Variants in HOXB7 observed in about 807,000 individuals in gnomAD.
The protein encoded by HOXB7 is homeobox protein Hox-B7.
Under a neutral mutation model 19.2 loss-of-function variants are expected in HOXB7, and 11 were observed. The ratio of observed to expected loss-of-function variants is 0.57; its 90% CI spans 0.36 to 0.95. HOXB7 has a LOEUF of 0.95. HOXB7 is among the 40% of genes least tolerant of loss of function. The pLI, the probability that HOXB7 is intolerant of heterozygous loss-of-function variation, is 0.01. For synonymous variants in HOXB7, 141 were observed against 130.2 expected (o/e 1.08, Z -0.56); for missense variants, 318 against 301.1 (o/e 1.06, Z -0.42).
In HOXB7 at chr17:48,608,054, G is replaced by C. The variant is rs1470435140; in HGVS notation, c.442C>G (p.Gln148Glu). 6.2e-7 allele frequency: 1 copy of C among 1,614,220 alleles called. No individual in the cohort carries two copies. Among genetic ancestry groups the C allele is most frequent in the African/African-American group, 1.3e-5 (1 of 75,050 alleles). ...KRGRQTYTRY[Q>E]TLELEKEFHY... is the part of the protein sequence containing the mutation. ...AATTCTTTCTCCAGCTCCAGGGTCT[G>C]GTAGCGGGTGTAGGTCTGGCGGCCT... The change falls in exon 2 of 2, where the codon CAG becomes GAG. Residue 148 changes from glutamine (Q) to glutamate (E), a missense_variant. By Grantham distance (29) the Gln-to-Glu change is conservative. Coordinates refer to ENST00000239165, the MANE Select transcript of HOXB7 (RefSeq NM_004502.4).
rs2070605724 is a variant in HOXB7, at chr17:48,608,098, G to A, written c.401-3C>T. 3.1e-6 allele frequency: 5 copies of A among 1,611,910 alleles called. No individual in the cohort carries two copies. In the Admixed American group the frequency reaches 6.7e-5, roughly 22 times the overall value. On this transcript the variant is annotated splice_polypyrimidine_tract_variant and splice_region_variant and intron_variant, in intron 1 of 1. Transcript: ENST00000239165. ...GCGGCCTCGTTTGCGGTCAGTTCCT[G>A]CACACAGTATTCAGAGGAAAATCAG...
At position 48,608,139 on chromosome 17, in the gene HOXB7, C is replaced by A. The variant is rs772745522; in HGVS notation, c.401-44G>T. 8 of 1,588,392 alleles carry A rather than the reference C, an allele frequency of 5.0e-6. No individual in the cohort carries two copies. The South Asian group carries it at 9.0e-5, about 18-fold the overall frequency. On this transcript the variant is annotated intron_variant, in intron 1 of 1. Transcript: ENST00000239165. Reference sequence around the variant, plus strand: ...GGAAAATCAGTGAGTAAAGAAAACGCCGGCCGGGCGCGGTGGGCTCAAACC... The same window carrying A: ...GGAAAATCAGTGAGTAAAGAAAACGACGGCCGGGCGCGGTGGGCTCAAACC...
At chr17:48,608,789 C>T (rs1390305296) in intron 1 of HOXB7, among the ~76,000 whole-genome samples, 5 of 152,202 alleles carry the variant, frequency 3.3e-5, no homozygotes, top group African/African-American at 1.2e-4. Flanking sequence ...CCTAAACCCC[C>T]TTTTCTGAAT....
In HOXB7 at chr17:48,607,787, G is replaced by A. The variant is rs1488782068; in HGVS notation, c.*55C>T. 4 of 1,376,482 alleles carry A rather than the reference G, an allele frequency of 2.9e-6. No homozygotes were observed. The highest frequency in any genetic ancestry group is 4.1e-6 in the Non-Finnish European group (4 of 985,228). The allele number at this position is 1,376,482 out of a possible 1,614,324, so 85.3% of individuals were successfully genotyped here. A position where few individuals can be genotyped will look rare whatever the true frequency, so the allele number is the denominator to read the frequency against. ...GTTTCCTGATTCAGTTCCCAGAGCT[G>A]GGCTTCTCTTCCTCTCCCTTTCTCA... On this transcript the variant is annotated 3_prime_UTR_variant, in exon 2 of 2. Transcript: ENST00000239165.
At position 48,610,973 on chromosome 17, in the gene HOXB7, T is replaced by C; in HGVS notation, c.-55A>G. 7.2e-7 allele frequency: 1 copy of C among 1,397,162 alleles called. No homozygotes were observed. The highest frequency in any genetic ancestry group is 9.5e-7 in the Non-Finnish European group (1 of 1,048,380). 86.5% of individuals were successfully genotyped at this position (1,397,162 alleles called of 1,614,324 possible). A position where few individuals can be genotyped will look rare whatever the true frequency, so the allele number is the denominator to read the frequency against. The stretch of plus-strand genomic sequence containing the variant: ...CGTTTTAGTGTCGGTTTTACGAGAT[T>C]CCTTGATATATTACAGAATTAGAGT... On this transcript the variant is annotated 5_prime_UTR_variant, in exon 1 of 2. Coordinates refer to ENST00000239165, the MANE Select transcript of HOXB7 (RefSeq NM_004502.4).
In HOXB7 at chr17:48,608,009, T is replaced by G. The variant is rs2070603692; in HGVS notation, c.487A>C (p.Thr163Pro). Residue 163 changes from threonine (T) to proline (P), a missense_variant, in exon 2 of 2, where the codon ACG becomes CCG. Coordinates refer to ENST00000239165, the MANE Select transcript of HOXB7 (RefSeq NM_004502.4). ...GCGATCTCGATGCGCCGCCGCCGCG[T>G]CAGGTAGCGATTGTAGTGAAATTCT... is the stretch of plus-strand genomic sequence containing the variant. ...EKEFHYNRYL[T>P]RRRRIEIAHT... is the part of the protein sequence containing the mutation. The G allele has an allele frequency of 6.2e-7, 1 of 1,614,178 alleles. No individual in the cohort carries two copies. Among genetic ancestry groups the G allele is most frequent in the African/African-American group, 1.3e-5 (1 of 75,044 alleles).
At chr17:48,608,258 C>G (rs2070608788) in intron 1 of HOXB7, 163 bp from the exon 2 acceptor site, 2 of 872,686 alleles carry the variant, frequency 2.3e-6, no homozygotes, top group Non-Finnish European at 3.3e-6. Flanking sequence ...CCCGTCTCTA[C>G]TAAAAATACA....
In HOXB7 at chr17:48,607,822, C is replaced by T. The variant is rs746338067; in HGVS notation, c.*20G>A. On this transcript the variant is annotated 3_prime_UTR_variant, in exon 2 of 2. Transcript: ENST00000239165. ...TCCTCTCCCTTTCTCATGTCTCTTC[C>T]TCTGCCCTTTCTCCATCCCTCACTC... 1.9e-6 allele frequency: 3 copies of T among 1,595,106 alleles called. No homozygotes were observed. Among genetic ancestry groups the T allele is most frequent in the Non-Finnish European group, 2.6e-6 (3 of 1,163,816 alleles).
rs770306120 is a variant in HOXB7 at position 48,607,830 on chromosome 17, T to C, written c.*12A>G. On this transcript the variant is annotated 3_prime_UTR_variant, in exon 2 of 2. Coordinates refer to ENST00000239165, the MANE Select transcript of HOXB7 (RefSeq NM_004502.4). The stretch of plus-strand genomic sequence containing the variant: ...CTTTCTCATGTCTCTTCCTCTGCCC[T>C]TTCTCCATCCCTCACTCTTCCTCTT... The C allele has an allele frequency of 6.2e-7, 1 of 1,604,726 alleles. No homozygotes were observed. The highest frequency in any genetic ancestry group is 8.5e-7 in the Non-Finnish European group (1 of 1,171,860).
At chr17:48,608,212 A>G in intron 1 of HOXB7, 117 bp from the exon 2 acceptor site, 2 of 1,326,166 alleles carry the variant, frequency 1.5e-6, no homozygotes, top group Non-Finnish European at 2.0e-6. Flanking sequence ...TCACGAGGTC[A>G]GGAGATCGAG....
At position 48,610,508 on chromosome 17, in the gene HOXB7, CG is replaced by C. The variant is rs1401376750; in HGVS notation, c.400+10del. 2 of 1,471,640 alleles carry C rather than the reference CG, an allele frequency of 1.4e-6. No individual in the cohort carries two copies. The highest frequency in any genetic ancestry group is 1.8e-6 in the Non-Finnish European group (2 of 1,105,050). The allele number at this position is 1,471,640 out of a possible 1,614,324, so 91.2% of individuals were successfully genotyped here. On this transcript the variant is annotated intron_variant, in intron 1 of 1. Coordinates refer to ENST00000239165, the MANE Select transcript of HOXB7 (RefSeq NM_004502.4). ...CCCTGGGGCTCAGGACAGCTCGGTG[CG>C]CGGCGTTACCTGAGCTTCGCATCCA...
In HOXB7 at chr17:48,610,521, G is replaced by C. The variant is rs756086451; in HGVS notation, c.398C>G (p.Ser133Ter). 1.1e-5 allele frequency: 16 copies of C among 1,491,102 alleles called. 2 individuals are homozygous for C. The South Asian group carries it at 2.0e-4, about 18-fold the overall frequency. The allele number at this position is 1,491,102 out of a possible 1,614,324, so 92.4% of individuals were successfully genotyped here. ...GACAGCTCGGTGCGCGGCGTTACCT[G>C]AGCTTCGCATCCAGGGGTAGATCCG... The part of the protein sequence containing the change: ...NFRIYPWMRS[S>*]GTDRKRGRQT... Residue 133 changes from serine to a stop codon, truncating the protein, a stop_gained and splice_region_variant, in exon 1 of 2, where the codon TCA becomes TGA. Transcript: ENST00000239165. LOFTEE classifies it high-confidence loss of function.
At position 48,607,860 on chromosome 17, in the gene HOXB7, C is replaced by T. The variant is rs1047437826; in HGVS notation, c.636G>A (p.Glu212=). 1.9e-6 allele frequency: 3 copies of T among 1,613,754 alleles called. No homozygotes were observed. Among genetic ancestry groups the T allele is most frequent in the Non-Finnish European group, 2.5e-6 (3 of 1,179,714 alleles). Residue 212 remains glutamate, a synonymous_variant, in exon 2 of 2, where the codon GAG becomes GAA. Transcript: ENST00000239165. Reference sequence around the variant, plus strand: ...CCATCCCTCACTCTTCCTCTTCCTCCTCTGCTTCAGCCCTGTCTTGGCCGG... The same window carrying T: ...CCATCCCTCACTCTTCCTCTTCCTCTTCTGCTTCAGCCCTGTCTTGGCCGG... ...GTTGQDRAEA[E]EEEEE is the part of the protein sequence containing the mutation.
chr17:48,607,791 T>G lies in HOXB7; in HGVS notation c.*51A>C. 8 of 1,430,506 alleles carry G rather than the reference T, an allele frequency of 5.6e-6. No individual in the cohort carries two copies. Among genetic ancestry groups the G allele is most frequent in the Non-Finnish European group, 7.8e-6 (8 of 1,029,088 alleles). 88.6% of individuals were successfully genotyped at this position (1,430,506 alleles called of 1,614,324 possible). A position where few individuals can be genotyped will look rare whatever the true frequency, so the allele number is the denominator to read the frequency against. Reference sequence around the variant, plus strand: ...CCTGATTCAGTTCCCAGAGCTGGGCTTCTCTTCCTCTCCCTTTCTCATGTC... The same window carrying G: ...CCTGATTCAGTTCCCAGAGCTGGGCGTCTCTTCCTCTCCCTTTCTCATGTC... On this transcript the variant is annotated 3_prime_UTR_variant, in exon 2 of 2. Transcript: ENST00000239165.
intron 1 of HOXB7, 99 bp from the exon 2 acceptor site, chr17:48,608,194 C>T (rs912706717): frequency 1.3e-5 from 19 of 1,453,026 alleles, no homozygotes; most frequent in East Asian, 9.8e-5. Flanking sequence ...GAGACCGAGG[C>T]GGGCGGATCA....
rs1467121319 is a variant in HOXB7 at position 48,607,945 on chromosome 17, C to T, written c.551G>A (p.Trp184Ter). The change falls in exon 2 of 2, where the codon TGG becomes TAG. Residue 184 changes from tryptophan to a stop codon, truncating the protein, a stop_gained. Coordinates refer to ENST00000239165, the MANE Select transcript of HOXB7 (RefSeq NM_004502.4). LOFTEE classifies it high-confidence loss of function. ...LCLTERQIKI[W>*]FQNRRMKWKK... ...CCACTTCATGCGCCGGTTCTGAAAC[C>T]AAATCTTGATCTGTCTTTCCGTGAG... The T allele has an allele frequency of 1.2e-6, 2 of 1,614,162 alleles. No homozygotes were observed. The highest frequency in any genetic ancestry group is 1.1e-5 in the South Asian group (1 of 91,086).
At chr17:48,610,257 G>T (rs1015506802) in intron 1 of HOXB7, among the ~76,000 whole-genome samples, 1 of 152,220 alleles carries the variant, frequency 6.6e-6, no homozygotes, top group Non-Finnish European at 1.5e-5. Context: ...GAGGAAGGGT[G>T]GGGGCGGGCT....
chr17:48,608,831 A>G (rs2070615885), intron 1 of HOXB7, among the ~76,000 whole-genome samples: 1 of 152,194 alleles, frequency 6.6e-6, no homozygotes, highest in Non-Finnish European at 1.5e-5. Context: ...GTAGAGACCA[A>G]GAGAAACCAT....
At chr17:48,609,080 G>T (rs558076364) in intron 1 of HOXB7, among the ~76,000 whole-genome samples, 3 of 152,360 alleles carry the variant, frequency 2.0e-5, no homozygotes, top group Non-Finnish European at 4.4e-5. Flanking sequence ...TGTCCTGCTT[G>T]CCTGCTTGCC....
Sources: allele counts gnomAD v4.1 joint callset (sites outside exome capture counted in the v4.1 genomes callset), GRCh38; gene constraint gnomAD v4.1.1; transcripts MANE v1.5; gene names NCBI Gene and HGNC (gene_info 2026-07-23, HGNC 2026-07-21).